LAMC2: variants seen among roughly 807,000 people sequenced by gnomAD.
LAMC2 encodes laminin subunit gamma 2.
Under a neutral mutation model 140.2 loss-of-function variants are expected in LAMC2, and 97 were observed. That is an observed-to-expected ratio of 0.69 (90% confidence interval 0.59 to 0.82). The LOEUF (loss-of-function observed/expected upper bound fraction) is 0.82, where lower values mean the gene tolerates loss of function less well. Ranked by LOEUF, LAMC2 falls within the 40% of genes least tolerant of loss-of-function variation. The pLI is 0.00. For missense variants in LAMC2, 1,402 were observed against 1,476.1 expected (o/e 0.95, Z 0.82); for synonymous variants, 513 against 540.2 (o/e 0.95, Z 0.70).
At chr1:183,193,765 G>T (rs960804462) in intron 1 of LAMC2, among the ~76,000 whole-genome samples, 2 of 150,736 alleles carry the variant, frequency 1.3e-5, no homozygotes, top group African/African-American at 4.9e-5. Flanking sequence ...CCTGGCATAG[G>T]AAGTAGTAGT....
intron 1 of LAMC2, among the ~76,000 whole-genome samples, chr1:183,190,597 C>G (rs1452932408): frequency 6.6e-6 from 1 of 152,110 alleles, no homozygotes; most frequent in African/African-American, 2.4e-5. Context: ...TCTCATTTCC[C>G]AATGGGAAGA....
At chr1:183,235,447 T>C in intron 15 of LAMC2, 128 bp from the exon 16 acceptor site, 2 of 992,458 alleles carry the variant, frequency 2.0e-6, no homozygotes, top group South Asian at 1.4e-5. Context: ...CCATGTAATT[T>C]GAGTCAGTTC....
intron 2 of LAMC2, among the ~76,000 whole-genome samples, chr1:183,212,899 C>T (rs1223159679): frequency 1.3e-5 from 2 of 152,186 alleles, no homozygotes; most frequent in Non-Finnish European, 2.9e-5. Flanking sequence ...ATTCCTAACC[C>T]AAGAGTCACC....
At chr1:183,235,813 A>T (rs1659944653) in intron 16 of LAMC2, 83 bp downstream of exon 16, 1 of 1,404,666 alleles carries the variant, frequency 7.1e-7, no homozygotes, top group Non-Finnish European at 1.0e-6. Flanking sequence ...GAGGGGCACC[A>T]TGCTAGTTGT....
downstream of LAMC2, chr1:183,248,920 G>T (rs1660299476): frequency 6.5e-6 from 1 of 152,828 alleles, no homozygotes; most frequent in African/African-American, 2.4e-5. Context: ...GTGTGTGTGT[G>T]TGTGTGTGTG....
At chr1:183,199,895 G>T (rs539547847) in intron 1 of LAMC2, among the ~76,000 whole-genome samples, 1 of 152,322 alleles carries the variant, frequency 6.6e-6, no homozygotes, top group South Asian at 2.1e-4. Flanking sequence ...CTAGATCTGT[G>T]CATTGGAGCC....
chr1:183,209,609 G>A (rs935454028), intron 2 of LAMC2, among the ~76,000 whole-genome samples: 16 of 152,264 alleles, frequency 1.1e-4, no homozygotes, highest in African/African-American at 3.9e-4. Context: ...CATTTTAATG[G>A]GCATTTAACC....
chr1:183,225,484 A>G lies in LAMC2; in HGVS notation c.954-124A>G, dbSNP rs2021956. Reference sequence around the variant, plus strand: ...CTATGAAAAGGTGGCTCTCAGTCCTATGCCCCCTTCTAAGCAGGACTGGGA... The same window carrying G: ...CTATGAAAAGGTGGCTCTCAGTCCTGTGCCCCCTTCTAAGCAGGACTGGGA... On this transcript the variant is annotated intron_variant, in intron 7 of 22. Transcript: ENST00000264144. 0.23 allele frequency: 173,974 copies of G among 747,428 alleles called. 23,478 individuals carry two copies. The highest frequency in any genetic ancestry group is 0.39 in the East Asian group (15,276 of 38,758). The allele number at this position is 747,428 out of a possible 1,614,324, so 46.3% of individuals were successfully genotyped here. A position where few individuals can be genotyped will look rare whatever the true frequency, so the allele number is the denominator to read the frequency against.
In LAMC2 at chr1:183,236,729, TG is replaced by T. The variant is rs569298457; in HGVS notation, c.2601+128del. 561 of 1,146,252 alleles carry T rather than the reference TG, an allele frequency of 4.9e-4. 4 individuals are homozygous for T. The African/African-American group carries it at 7.5e-3, about 15-fold the overall frequency. The allele number at this position is 1,146,252 out of a possible 1,614,324, so 71.0% of individuals were successfully genotyped here. Reference sequence around the variant, plus strand: ...CATGTTGACCATTTCTGTTTTAGAGTGGGAAGAGTATTTAGCCTTCTCATTA... The same window carrying T: ...CATGTTGACCATTTCTGTTTTAGAGTGGAAGAGTATTTAGCCTTCTCATTA... On this transcript the variant is annotated intron_variant, in intron 17 of 22. Transcript: ENST00000264144.
chr1:183,221,679 A>C (rs1162903412), intron 5 of LAMC2, among the ~76,000 whole-genome samples: 2 of 151,804 alleles, frequency 1.3e-5, no homozygotes, highest in African/African-American at 4.8e-5. Context: ...CAGTGAGCCG[A>C]GATCGCGCCA....
intron 8 of LAMC2, among the ~76,000 whole-genome samples, chr1:183,225,994 A>G (rs1156924966): frequency 6.6e-6 from 1 of 152,244 alleles, no homozygotes; most frequent in African/African-American, 2.4e-5. Context: ...ATTAAGTGAG[A>G]AAGATAATCT....
rs142312206 is a variant in LAMC2, at chr1:183,202,632, A to G, written c.80-5249A>G. Among the ~76,000 whole-genome samples the G allele has an allele frequency of 1.1e-3, 172 of 152,310 alleles. 1 individual carries two copies. Among genetic ancestry groups the G allele is most frequent in the African/African-American group, 3.9e-3 (161 of 41,552 alleles). On this transcript the variant is annotated intron_variant, in intron 1 of 22. Transcript: ENST00000264144. ...AGCAGACAATTATGAAAATAGAACT[A>G]AAACAGCAAACTGGCATATGGCACT...
At chr1:183,195,994 T>A (rs1282971338) in intron 1 of LAMC2, among the ~76,000 whole-genome samples, 1 of 152,228 alleles carries the variant, frequency 6.6e-6, no homozygotes. Context: ...TGTCTCAGAC[T>A]TGAAGACATG....
chr1:183,224,775 T>C (rs1659578177), intron 7 of LAMC2, among the ~76,000 whole-genome samples: 1 of 152,186 alleles, frequency 6.6e-6, no homozygotes, highest in South Asian at 2.1e-4. Flanking sequence ...GAGATTCAGC[T>C]TACATGTTCT....
At chr1:183,251,855 TTGCTGCTGCTGC>T in the LAMC2 span, 1 of 163,200 alleles carries the variant, frequency 6.1e-6, no homozygotes, top group South Asian at 1.6e-4. Context: ...TGATCAAAGG[TTGCTGCTGCTGC>T]TGCTGCTGCT....
intron 11 of LAMC2, among the ~76,000 whole-genome samples, chr1:183,229,387 A>G (rs1659733580): frequency 6.6e-6 from 1 of 152,166 alleles, no homozygotes; most frequent in Non-Finnish European, 1.5e-5. Context: ...CTGCAGTCCC[A>G]GCACTTTGGG....
At chr1:183,193,570 G>A (rs509826) in intron 1 of LAMC2, among the ~76,000 whole-genome samples, 47,666 of 151,952 alleles carry the variant, frequency 0.31, 7,841 homozygotes, top group East Asian at 0.43. Flanking sequence ...ATACTTTTTG[G>A]TAGGGGATTC....
At chr1:183,221,992 T>C in intron 5 of LAMC2, 97 bp from the exon 6 acceptor site, 1 of 1,462,774 alleles carries the variant, frequency 6.8e-7, no homozygotes, top group South Asian at 1.1e-5. Flanking sequence ...CACTTTCTAC[T>C]CACCACTAGG....
chr1:183,232,933 T>C, intron 14 of LAMC2, 76 bp downstream of exon 14: 1 of 1,380,948 alleles, frequency 7.2e-7, no homozygotes, highest in South Asian at 1.2e-5. Flanking sequence ...ACTGACTCAA[T>C]TTCTGTCTCT....
Sources: gnomAD v4.1 joint callset for allele counts (sites outside exome capture counted in the v4.1 genomes callset) on GRCh38, gnomAD v4.1.1 for gene constraint, MANE v1.5 for transcripts, NCBI Gene and HGNC (gene_info 2026-07-23, HGNC 2026-07-21) for gene names.